RSPH10B2: variants seen among roughly 807,000 people sequenced by gnomAD.
The protein encoded by RSPH10B2 is radial spoke head 10 homolog B2.
In RSPH10B2, 9 loss-of-function variants were observed where a neutral mutation model predicts 49.0. That is an observed-to-expected ratio of 0.18 (90% CI 0.11 to 0.32). RSPH10B2 has a LOEUF of 0.32. RSPH10B2 is among the 10% of genes least tolerant of loss of function. The probability of loss-of-function intolerance (pLI) is 1.00; values close to 1 mark genes in which losing one functional copy is unlikely to be tolerated. For synonymous variants in RSPH10B2, 35 were observed against 210.2 expected (o/e 0.17, Z 7.21); for missense variants, 95 against 589.9 (o/e 0.16, Z 8.69).
chr7:6,764,988 G>C (rs1174862504), intron 4 of RSPH10B2, among the ~76,000 whole-genome samples: 566 of 67,358 alleles, frequency 8.4e-3, no homozygotes, highest in Middle Eastern at 0.013. Context: ...GTCCAAATGG[G>C]TAAAACAACA....
At chr7:6,781,419 T>C (rs140658665) in exon 13 of RSPH10B2, 115,838 of 1,231,748 alleles carry the variant, frequency 0.094, 33,726 homozygotes, top group African/African-American at 0.33. Context: ...GCAGACCCAG[T>C]GCAGCGCCTC....
At chr7:6,797,350 CTT>C (rs761839349) in intron 18 of RSPH10B2, among the ~76,000 whole-genome samples, 3 of 150,490 alleles carry the variant, frequency 2.0e-5, no homozygotes, top group Admixed American at 6.7e-5. Flanking sequence ...CCTGTGGACT[CTT>C]TGGGGTAATG....
intron 4 of RSPH10B2, among the ~76,000 whole-genome samples, chr7:6,764,487 G>C (rs1184658500): frequency 6.6e-6 from 1 of 150,596 alleles, no homozygotes; most frequent in Non-Finnish European, 1.5e-5. Flanking sequence ...CAGCCTCCCA[G>C]GTTGCTGGGA....
rs1355366622 is a variant in RSPH10B2, at chr7:6,781,648, C to A, written c.1758+172C>A. On this transcript the variant is annotated intron_variant, in intron 13 of 18. Coordinates refer to ENST00000297186, the Ensembl canonical transcript of RSPH10B2. ...TCTTGGCAGAACAGTGGTCTGTGGT[C>A]GTGGAAGGAACAGAAACAGCTGTCA... is the stretch of plus-strand genomic sequence containing the variant. 62 of 778,528 alleles carry A rather than the reference C, an allele frequency of 8.0e-5. 8 individuals are homozygous for A. The highest frequency in any genetic ancestry group is 9.8e-5 in the Non-Finnish European group (56 of 573,092). The allele number at this position is 778,528 out of a possible 1,614,324, so 48.2% of individuals were successfully genotyped here.
chr7:6,793,957 C>T, intron 17 of RSPH10B2, among the ~76,000 whole-genome samples: 1 of 152,228 alleles, frequency 6.6e-6, no homozygotes, highest in Admixed American at 6.5e-5. Flanking sequence ...ACATGCTCAC[C>T]TTTGCTGCTA....
At chr7:6,768,436 G>A (rs1213027325) in intron 6 of RSPH10B2, among the ~76,000 whole-genome samples, 154 bp from the exon 9 acceptor site, 1 of 148,598 alleles carries the variant, frequency 6.7e-6, no homozygotes, top group African/African-American at 2.5e-5. Flanking sequence ...TTAGTAAGTA[G>A]CTGAGCTGAA....
intron 13 of RSPH10B2, among the ~76,000 whole-genome samples, chr7:6,783,242 G>A (rs1341651577): frequency 8.7e-6 from 1 of 114,484 alleles, no homozygotes; most frequent in Non-Finnish European, 1.7e-5. Context: ...GTGTTAGCAA[G>A]GATGATCTCA....
intron 14 of RSPH10B2, among the ~76,000 whole-genome samples, 175 bp downstream of exon 16, chr7:6,786,231 AGT>A (rs1157102579): frequency 6.7e-5 from 3 of 44,610 alleles, no homozygotes; most frequent in African/African-American, 1.2e-4. Context: ...CCCAGGCTGG[AGT>A]GTGCAGTGGC....
At chr7:6,780,388 A>T (rs1168106635) in intron 11 of RSPH10B2, among the ~76,000 whole-genome samples, 4 of 119,628 alleles carry the variant, frequency 3.3e-5, no homozygotes, top group African/African-American at 6.3e-5. Context: ...TTTTATTTAC[A>T]TATTTATTTT....
intron 18 of RSPH10B2, among the ~76,000 whole-genome samples, chr7:6,797,599 G>A (rs1440953057): frequency 3.9e-5 from 6 of 152,282 alleles, no homozygotes; most frequent in Non-Finnish European, 7.3e-5. Flanking sequence ...CATGGCACAT[G>A]CCGGTAACCC....
upstream of RSPH10B2, chr7:6,753,323 GTATT>G (rs1211081960): frequency 1.4e-4 from 22 of 154,396 alleles, no homozygotes; most frequent in African/African-American, 2.1e-4. Context: ...AGCTTCATCT[GTATT>G]TATAGCCACT....
At chr7:6,784,460 A>G (rs1408321064) in intron 13 of RSPH10B2, among the ~76,000 whole-genome samples, 1 of 27,890 alleles carries the variant, frequency 3.6e-5, no homozygotes, top group Non-Finnish European at 5.6e-5. Context: ...GGGTTTCTCC[A>G]TGTTGGCCAG....
chr7:6,782,501 G>T (rs1781979489), intron 13 of RSPH10B2, among the ~76,000 whole-genome samples: 1 of 128,930 alleles, frequency 7.8e-6, no homozygotes, highest in African/African-American at 3.1e-5. Flanking sequence ...ACAGAGTGAG[G>T]CCCTGTCCCA....
At chr7:6,791,399 A>G (rs1454121953) in intron 16 of RSPH10B2, among the ~76,000 whole-genome samples, 2 of 149,392 alleles carry the variant, frequency 1.3e-5, no homozygotes, top group Non-Finnish European at 3.0e-5. Context: ...AGTAAATGCC[A>G]TAATTCTGTT....
At chr7:6,783,851 A>G (rs1455970152) in intron 13 of RSPH10B2, among the ~76,000 whole-genome samples, 2 of 143,708 alleles carry the variant, frequency 1.4e-5, no homozygotes, top group Admixed American at 1.4e-4. Context: ...TATTATTATT[A>G]TTATTTTGAC....
chr7:6,769,754 CTTTTTTTTT>C (rs911131827), intron 7 of RSPH10B2, among the ~76,000 whole-genome samples: 2 of 76,644 alleles, frequency 2.6e-5, no homozygotes, highest in African/African-American at 1.2e-4. Flanking sequence ...ACGCCCGGCT[CTTTTTTTTT>C]TTTTTTTTTT....
chr7:6,782,375 CCT>C lies in RSPH10B2; in HGVS notation c.1758+904_1758+905del, dbSNP rs2115456327. On this transcript the variant is annotated intron_variant, in intron 13 of 18. Transcript: ENST00000297186. The stretch of plus-strand genomic sequence containing the variant: ...AGCCTGGGCAACATAGTGAGATCCC[CCT>C]CTCTACAAAAAATAAAAAAATCATA... Among the ~76,000 whole-genome samples, 2 of 125,054 alleles carry C rather than the reference CCT, an allele frequency of 1.6e-5. 1 individual carries two copies. The highest frequency in any genetic ancestry group is 7.0e-4 in the South Asian group (2 of 2,840). The allele number at this position is 125,054 out of a possible 152,430, so 82.0% of individuals were successfully genotyped here.
upstream of RSPH10B2, among the ~76,000 whole-genome samples, chr7:6,756,201 T>C (rs564900477): frequency 5.0e-3 from 687 of 138,316 alleles, 1 homozygote; most frequent in African/African-American, 0.016. Flanking sequence ...ACCCGGGAGG[T>C]GGAGCTTGCA....
rs905311003 is a variant in RSPH10B2, at chr7:6,786,710, CGT to C, written c.1867-160_1867-159del. Among the ~76,000 whole-genome samples the C allele has an allele frequency of 3.6e-5, 5 of 139,442 alleles. 1 individual carries two copies. Among genetic ancestry groups the C allele is most frequent in the Admixed American group, 7.2e-5 (1 of 13,826 alleles). The allele number at this position is 139,442 out of a possible 152,430, so 91.5% of individuals were successfully genotyped here. A position where few individuals can be genotyped will look rare whatever the true frequency, so the allele number is the denominator to read the frequency against. ...TAATATATGTGTGTGCGTGTCTGTG[CGT>C]GTGTGTGCATGTGTGTGTGTCTTTG... On this transcript the variant is annotated intron_variant, in intron 14 of 18. Coordinates refer to ENST00000297186, the Ensembl canonical transcript of RSPH10B2.
Sources: gnomAD v4.1 joint callset for allele counts (sites outside exome capture counted in the v4.1 genomes callset) on GRCh38, gnomAD v4.1.1 for gene constraint, MANE v1.5 for transcripts, NCBI Gene and HGNC (gene_info 2026-07-23, HGNC 2026-07-21) for gene names.